Variants in INPP4B observed in about 807,000 individuals in gnomAD.
The protein encoded by INPP4B is inositol polyphosphate-4-phosphatase type II B, also known as inositol polyphosphate 4-phosphatase type II.
INPP4B carries 55 observed loss-of-function variants against 122.5 expected under a neutral mutation model. That is an observed-to-expected ratio of 0.45 (90% CI 0.36 to 0.56). The LOEUF (loss-of-function observed/expected upper bound fraction) is 0.56. Ranked by LOEUF, INPP4B falls within the 20% of genes least tolerant of loss-of-function variation. The pLI, the probability that INPP4B is intolerant of heterozygous loss-of-function variation, is 0.00. For synonymous variants in INPP4B, 403 were observed against 388.7 expected, an observed-to-expected ratio of 1.04 and a Z score of -0.43; for missense variants, 1,000 against 1,097.7, an observed-to-expected ratio of 0.91 and a Z score of 1.26.
chr4:142,299,429 A>G lies in INPP4B; in HGVS notation c.503+6029T>C, dbSNP rs1388955274. ...CTCGGCCTTCTAAAGTGCTGGAGTT[A>G]CAGGTGTGAGCCATCGCATCCGGCC... On this transcript the variant is annotated intron_variant, in intron 9 of 25. Coordinates refer to ENST00000262992, the MANE Select transcript of INPP4B (RefSeq NM_001101669.3). Among the ~76,000 whole-genome samples the G allele has an allele frequency of 4.6e-5, 7 of 152,148 alleles. 1 individual carries two copies. The highest frequency in any genetic ancestry group is 4.6e-4 in the Admixed American group (7 of 15,274).
chr4:142,669,815 T>C (rs1756724154), intron 2 of INPP4B, among the ~76,000 whole-genome samples: 1 of 152,130 alleles, frequency 6.6e-6, no homozygotes, highest in African/African-American at 2.4e-5. Context: ...GCCATGGCTA[T>C]TATCAAAAAT....
At chr4:142,812,130 A>T (rs546821910) in intron 1 of INPP4B, among the ~76,000 whole-genome samples, 3 of 152,314 alleles carry the variant, frequency 2.0e-5, no homozygotes, top group Admixed American at 2.0e-4. Context: ...TAAAAATTAA[A>T]GCCTCTTACA....
At position 142,145,867 on chromosome 4, in the gene INPP4B, T is replaced by C. The variant is rs1357524541; in HGVS notation, c.1693A>G (p.Thr565Ala). The change falls in exon 18 of 26, where the codon ACA becomes GCA. Residue 565 changes from threonine to alanine, a missense_variant. Thr to Ala is a moderately conservative substitution (Grantham distance 58). Coordinates refer to ENST00000262992, the MANE Select transcript of INPP4B (RefSeq NM_001101669.3). ...NNDGEKEPSL[T>A]DAIPSHPRED... ...CTTGGGTGAGAGGGAATGGCATCTG[T>C]TAATGAAGGTTCCTTTTCTCCATCA... is the stretch of plus-strand genomic sequence containing the variant. The C allele has an allele frequency of 6.2e-7, 1 of 1,613,830 alleles. No individual in the cohort carries two copies.
At chr4:142,708,896 A>G (rs566886405) in intron 2 of INPP4B, among the ~76,000 whole-genome samples, 1 of 152,124 alleles carries the variant, frequency 6.6e-6, no homozygotes, top group Non-Finnish European at 1.5e-5. Context: ...GTGTGCCTAG[A>G]AAAGCTGCAG....
At chr4:142,127,125 T>G (rs1031085379) in intron 18 of INPP4B, among the ~76,000 whole-genome samples, 3 of 152,214 alleles carry the variant, frequency 2.0e-5, no homozygotes, top group African/African-American at 4.8e-5. Context: ...TTGCACTTAC[T>G]GCATTCAAGT....
chr4:142,621,845 G>T (rs1451886627), intron 2 of INPP4B, among the ~76,000 whole-genome samples: 1 of 151,748 alleles, frequency 6.6e-6, no homozygotes, highest in Admixed American at 6.6e-5. Context: ...TTTAGTGTTT[G>T]CACGTTGCAC....
At chr4:142,520,139 T>A (rs1305724536) in intron 2 of INPP4B, among the ~76,000 whole-genome samples, 1 of 152,016 alleles carries the variant, frequency 6.6e-6, no homozygotes, top group Non-Finnish European at 1.5e-5. Flanking sequence ...TATAAGTCCA[T>A]GAAACAGCTT....
intron 2 of INPP4B, among the ~76,000 whole-genome samples, chr4:142,582,488 G>A (rs546840550): frequency 6.2e-4 from 95 of 152,174 alleles, no homozygotes; most frequent in African/African-American, 2.0e-3. Flanking sequence ...GGGAGAAGTT[G>A]GGCAGAAAAG....
intron 2 of INPP4B, among the ~76,000 whole-genome samples, chr4:142,490,322 C>G (rs1322371701): frequency 6.6e-6 from 1 of 152,096 alleles, no homozygotes; most frequent in Non-Finnish European, 1.5e-5. Context: ...CTCCTGGTCT[C>G]AAGTGATCCT....
At chr4:142,179,609 T>C (rs1305841306) in intron 15 of INPP4B, among the ~76,000 whole-genome samples, 1 of 146,078 alleles carries the variant, frequency 6.8e-6, no homozygotes, top group Non-Finnish European at 1.5e-5. Flanking sequence ...TCTAAGAAAA[T>C]GTGTTTACTG....
intron 2 of INPP4B, among the ~76,000 whole-genome samples, chr4:142,634,815 T>C (rs1320360977): frequency 6.6e-6 from 1 of 151,932 alleles, no homozygotes; most frequent in Admixed American, 6.6e-5. Flanking sequence ...TTCTGGTCAG[T>C]GTAATAACAT....
intron 1 of INPP4B, among the ~76,000 whole-genome samples, chr4:142,744,610 C>T (rs903684754): frequency 6.6e-6 from 1 of 151,648 alleles, no homozygotes; most frequent in African/African-American, 2.4e-5. Flanking sequence ...GGTAGGCAAG[C>T]TAACAATGAG....
At chr4:142,411,969 T>C (rs542448690) in intron 5 of INPP4B, among the ~76,000 whole-genome samples, 3 of 152,238 alleles carry the variant, frequency 2.0e-5, no homozygotes, top group African/African-American at 2.4e-5. Flanking sequence ...ACCATTCTTA[T>C]CTCACATCAT....
At chr4:142,386,496 A>C (rs753848144) in intron 7 of INPP4B, among the ~76,000 whole-genome samples, 1 of 152,206 alleles carries the variant, frequency 6.6e-6, no homozygotes, top group African/African-American at 2.4e-5. Flanking sequence ...TAGGTAGACA[A>C]GACTGAAAAC....
At chr4:142,129,717 C>A (rs1401577698) in intron 18 of INPP4B, among the ~76,000 whole-genome samples, 3 of 152,188 alleles carry the variant, frequency 2.0e-5, no homozygotes, top group Non-Finnish European at 1.5e-5. Context: ...TCCAACCAAG[C>A]CTTCCTGACC....
intron 2 of INPP4B, among the ~76,000 whole-genome samples, chr4:142,585,376 G>A (rs1735942796): frequency 6.6e-6 from 1 of 152,094 alleles, no homozygotes; most frequent in Non-Finnish European, 1.5e-5. Flanking sequence ...TTTATTCAGA[G>A]AAGTGCCTAT....
At chr4:142,293,762 A>C (rs1373549131) in intron 9 of INPP4B, among the ~76,000 whole-genome samples, 1 of 152,226 alleles carries the variant, frequency 6.6e-6, no homozygotes. Flanking sequence ...GGTTTAGGGT[A>C]GAAATTCCTG....
chr4:142,399,778 T>C (rs372207522), intron 7 of INPP4B, among the ~76,000 whole-genome samples: 1 of 152,266 alleles, frequency 6.6e-6, no homozygotes, highest in East Asian at 1.9e-4. Context: ...GGAAATAATT[T>C]CCTTATAGTG....
chr4:142,202,857 A>T (rs1040442224), intron 14 of INPP4B: 2 of 751,820 alleles, frequency 2.7e-6, no homozygotes, highest in Non-Finnish European at 3.2e-6. Flanking sequence ...AAGCCCATTC[A>T]TTCCCTGTGG....
Sources: allele counts gnomAD v4.1 joint callset (sites outside exome capture counted in the v4.1 genomes callset), GRCh38; gene constraint gnomAD v4.1.1; transcripts MANE v1.5; gene names NCBI Gene and HGNC (gene_info 2026-07-23, HGNC 2026-07-21).